CYTIP: variants seen among roughly 807,000 people sequenced by gnomAD.
CYTIP encodes the protein cytohesin 1 interacting protein.
CYTIP carries 26 observed loss-of-function variants against 43.8 expected under a neutral mutation model. The observed-to-expected ratio is 0.59, with a 90% CI of 0.44 to 0.82. CYTIP has a LOEUF of 0.82. Among genes scored for constraint, CYTIP ranks in the 40% least tolerant of loss-of-function variants. The probability of loss-of-function intolerance (pLI) is 0.00; values close to 1 mark genes in which losing one functional copy is unlikely to be tolerated. For synonymous variants in CYTIP, 162 were observed against 162.9 expected (o/e 0.99, Z 0.04); for missense variants, 426 against 443.1 (o/e 0.96, Z 0.35).
In CYTIP at chr2:157,443,963, C is replaced by G. The variant is rs200094703; in HGVS notation, c.58G>C (p.Ala20Pro). Residue 20 changes from alanine to proline, a missense_variant, in exon 1 of 8, where the codon GCT (alanine) becomes CCT (proline). Transcript: ENST00000264192. ...SSNGNLADFC[A>P]GPAYSSYSTL... ...GAGTAAGAGCTATACGCTGGCCCAGCGCAGAAGTCCGCCAAATTGCCATTG... is the reference window on the plus strand; with the variant it reads ...GAGTAAGAGCTATACGCTGGCCCAGGGCAGAAGTCCGCCAAATTGCCATTG... 1.2e-6 allele frequency: 2 copies of G among 1,614,004 alleles called. No homozygotes were observed. Among genetic ancestry groups the G allele is most frequent in the African/African-American group, 2.7e-5 (2 of 74,916 alleles).
At chr2:157,431,284 T>A (rs925344381) in intron 3 of CYTIP, among the ~76,000 whole-genome samples, 1 of 152,180 alleles carries the variant, frequency 6.6e-6, no homozygotes, top group Non-Finnish European at 1.5e-5. Context: ...CCCAATGGGA[T>A]AAAACAACGA....
Position 157,415,842 on chromosome 2 carries a change from G to A in CYTIP, c.915C>T (p.Ile305=), listed in dbSNP as rs1350882200. ...ACATGGATCCGCTGCTGGTGTTACTGATGCTCCGGTTCCTCCTTGAAGATG... is the reference window on the plus strand; with the variant it reads ...ACATGGATCCGCTGCTGGTGTTACTAATGCTCCGGTTCCTCCTTGAAGATG... ...RRSSSRRNRS[I]SNTSSGSMSP... The change falls in exon 8 of 8, where the codon ATC becomes ATT. Residue 305 remains isoleucine (I), a synonymous_variant. Coordinates refer to ENST00000264192, the MANE Select transcript of CYTIP (RefSeq NM_004288.5). The A allele has an allele frequency of 1.2e-6, 2 of 1,614,110 alleles. No individual in the cohort carries two copies. The highest frequency in any genetic ancestry group is 8.5e-7 in the Non-Finnish European group (1 of 1,180,046).
chr2:157,433,059 A>G (rs957999764), intron 3 of CYTIP, among the ~76,000 whole-genome samples: 5 of 152,180 alleles, frequency 3.3e-5, no homozygotes, highest in Admixed American at 3.3e-4. Context: ...AAAACTTAAG[A>G]AAGTAGTGAC....
intron 3 of CYTIP, among the ~76,000 whole-genome samples, chr2:157,433,020 C>T (rs866248558): frequency 2.1e-4 from 32 of 152,010 alleles, no homozygotes; most frequent in African/African-American, 6.8e-4. Flanking sequence ...TCTTGCTCCA[C>T]GGAGAATAAG....
At chr2:157,435,219 T>C (rs1685792206) in intron 1 of CYTIP, among the ~76,000 whole-genome samples, 1 of 152,176 alleles carries the variant, frequency 6.6e-6, no homozygotes, top group African/African-American at 2.4e-5. Flanking sequence ...GAATGGCATA[T>C]GAAACCCAAA....
At chr2:157,416,171 G>A in intron 7 of CYTIP, 28 bp from the exon 8 acceptor site, 1 of 1,545,758 alleles carries the variant, frequency 6.5e-7, no homozygotes, top group Non-Finnish European at 8.8e-7. Context: ...CTGTGAAATG[G>A]ATCTGTTCAT....
intron 1 of CYTIP, among the ~76,000 whole-genome samples, chr2:157,440,011 A>G (rs769168764): frequency 6.6e-6 from 1 of 152,222 alleles, no homozygotes; most frequent in Non-Finnish European, 1.5e-5. Flanking sequence ...TCAACACTTT[A>G]GCCACTTCTG....
At chr2:157,418,457 A>G in intron 7 of CYTIP, 66 bp downstream of exon 7, 1 of 1,502,646 alleles carries the variant, frequency 6.7e-7, no homozygotes. Flanking sequence ...TCTTAAACCA[A>G]CTTTGAGGCA....
At chr2:157,421,057 C>T (rs376998659) in intron 6 of CYTIP, among the ~76,000 whole-genome samples, 21 of 152,260 alleles carry the variant, frequency 1.4e-4, no homozygotes, top group African/African-American at 5.1e-4. Context: ...CAAGAAAATA[C>T]CAGTGTAAAG....
chr2:157,415,940 C>G lies in CYTIP; in HGVS notation c.817G>C (p.Ala273Pro). 6.2e-7 allele frequency: 1 copy of G among 1,614,220 alleles called. No homozygotes were observed. Among genetic ancestry groups the G allele is most frequent in the Non-Finnish European group, 8.5e-7 (1 of 1,180,030 alleles). Residue 273 changes from alanine (A) to proline (P), a missense_variant, in exon 8 of 8, where the codon GCC becomes CCC. Ala to Pro is a conservative substitution (Grantham distance 27). Transcript: ENST00000264192. ...TCVSEDSSRG[A>P]FSRQTSTDDE... ...TCTGTACTCGTCTGCCGACTGAAGG[C>G]ACCCCTGCTGGAGTCCTCAGACACA...
chr2:157,416,529 G>T (rs942043681), intron 7 of CYTIP, among the ~76,000 whole-genome samples: 1 of 152,076 alleles, frequency 6.6e-6, no homozygotes, highest in Non-Finnish European at 1.5e-5. Context: ...CAGAAATGGG[G>T]TTCCATAGAA....
In CYTIP at chr2:157,444,035, A is replaced by G; in HGVS notation, c.-15T>C. Reference sequence around the variant, plus strand: ...TGTAAAGACATTGTGAATAAAGATCACTCCAGCTAGCACATGGTTGAGTGG... The same window carrying G: ...TGTAAAGACATTGTGAATAAAGATCGCTCCAGCTAGCACATGGTTGAGTGG... On this transcript the variant is annotated 5_prime_UTR_variant, in exon 1 of 8. Transcript: ENST00000264192. 6.2e-7 allele frequency: 1 copy of G among 1,612,680 alleles called. No homozygotes were observed. Among genetic ancestry groups the G allele is most frequent in the Non-Finnish European group, 8.5e-7 (1 of 1,179,288 alleles).
At position 157,418,612 on chromosome 2, in the gene CYTIP, A is replaced by AAG. The variant is rs777167737; in HGVS notation, c.547-24_547-23insCT. 7.7e-6 allele frequency: 12 copies of AAG among 1,559,802 alleles called. No homozygotes were observed. In the Admixed American group the frequency reaches 8.3e-5, roughly 11 times the overall value. On this transcript the variant is annotated intron_variant, in intron 6 of 7. Transcript: ENST00000264192. ...TTGCTGTGAGATTAAAAAAAAAAAA[A>AAG]AAAAGTTTTTATTATTAGGAAACCC...
At chr2:157,431,733 C>A (rs1001117582) in intron 3 of CYTIP, among the ~76,000 whole-genome samples, 1 of 152,180 alleles carries the variant, frequency 6.6e-6, no homozygotes, top group Non-Finnish European at 1.5e-5. Flanking sequence ...TCTAGTTCCA[C>A]TTAGAAGCAA....
intron 3 of CYTIP, 153 bp downstream of exon 3, chr2:157,434,217 A>G (rs966108009): frequency 4.3e-6 from 3 of 695,254 alleles, no homozygotes; most frequent in Non-Finnish European, 7.8e-6. Context: ...TACTCAACAC[A>G]CTGAAAAACT....
At chr2:157,442,151 A>G (rs1685928592) in intron 1 of CYTIP, among the ~76,000 whole-genome samples, 3 of 152,212 alleles carry the variant, frequency 2.0e-5, no homozygotes, top group African/African-American at 4.8e-5. Context: ...ATACCCTTCA[A>G]TATCTCGAAT....
intron 6 of CYTIP, among the ~76,000 whole-genome samples, chr2:157,421,586 T>A (rs1016570909): frequency 6.6e-6 from 1 of 152,252 alleles, no homozygotes; most frequent in African/African-American, 2.4e-5. Context: ...CTTTCCCAGC[T>A]AGCCCATTGG....
At position 157,430,506 on chromosome 2, in the gene CYTIP, T is replaced by C. The variant is rs537094302; in HGVS notation, c.476+53A>G. ...GGCCTATTTATTCACTCATCAGGCT[T>C]TATGAGAAAACATAACATTTTGAAG... is the stretch of plus-strand genomic sequence containing the variant. On this transcript the variant is annotated intron_variant, in intron 5 of 7. Transcript: ENST00000264192. 5 of 1,498,796 alleles carry C rather than the reference T, an allele frequency of 3.3e-6. No individual in the cohort carries two copies. The African/African-American group carries it at 6.9e-5, about 21-fold the overall frequency. 92.8% of individuals were successfully genotyped at this position (1,498,796 alleles called of 1,614,324 possible). A position where few individuals can be genotyped will look rare whatever the true frequency, so the allele number is the denominator to read the frequency against.
Position 157,417,533 on chromosome 2 carries a change from G to A in CYTIP, c.613+990C>T, listed in dbSNP as rs76240271. 8.2e-3 allele frequency among the ~76,000 whole-genome samples: 1,254 copies of A among 152,178 alleles called. 19 individuals carry two copies. Among genetic ancestry groups the A allele is most frequent in the African/African-American group, 0.028 (1,175 of 41,526 alleles). The stretch of plus-strand genomic sequence containing the variant: ...CCCTCATGTCTAAAGAAAGCAAGGA[G>A]GTGGCTGAATTTACAAGGCCATAAA... On this transcript the variant is annotated intron_variant, in intron 7 of 7. Transcript: ENST00000264192.
Sources: allele counts gnomAD v4.1 joint callset (sites outside exome capture counted in the v4.1 genomes callset), GRCh38; gene constraint gnomAD v4.1.1; transcripts MANE v1.5; gene names NCBI Gene and HGNC (gene_info 2026-07-23, HGNC 2026-07-21).